The following ASIC2 variants were observed in gnomAD, a reference collection of about 807,000 sequenced individuals.
The protein encoded by ASIC2 is acid sensing ion channel subunit 2.
In ASIC2, 25 loss-of-function variants were observed where a neutral mutation model predicts 57.3. That is an observed-to-expected ratio of 0.44 (90% confidence interval 0.32 to 0.61). The LOEUF is 0.61. ASIC2 is among the 20% of genes least tolerant of loss of function. ASIC2 has a pLI of 0.06. For synonymous variants in ASIC2, 319 were observed against 307.5 expected (o/e 1.04, Z -0.39); for missense variants, 641 against 738.1 (o/e 0.87, Z 1.52).
rs577563349 is a variant in ASIC2 at position 34,033,951 on chromosome 17, A to C, written c.555+122027T>G. Among the ~76,000 whole-genome samples the C allele has an allele frequency of 2.6e-5, 4 of 152,302 alleles. No homozygotes were observed. The East Asian group carries it at 7.7e-4, about 29-fold the overall frequency. On this transcript the variant is annotated intron_variant, in intron 1 of 9. Transcript: ENST00000359872. ...AGAGGTACAAAGAGGAGCTGATATC[A>C]CTCCTTCTGAAATTATTCCAATCAA...
intron 1 of ASIC2, among the ~76,000 whole-genome samples, chr17:33,328,481 C>G (rs1047416911): frequency 6.6e-6 from 1 of 152,160 alleles, no homozygotes; most frequent in Admixed American, 6.5e-5. Flanking sequence ...CTCCTCTTCC[C>G]TCTTCTAATC....
At chr17:33,257,657 C>T (rs917865021) in intron 1 of ASIC2, among the ~76,000 whole-genome samples, 15 of 152,182 alleles carry the variant, frequency 9.9e-5, no homozygotes, top group Non-Finnish European at 1.5e-4. Flanking sequence ...GCTCTCCATG[C>T]ACACAACCTA....
intron 1 of ASIC2, among the ~76,000 whole-genome samples, chr17:33,433,383 A>C (rs1462449283): frequency 2.6e-5 from 4 of 152,222 alleles, no homozygotes; most frequent in Admixed American, 1.3e-4. Context: ...TGAACGCTAG[A>C]CACTGGGCCT....
At chr17:33,962,351 A>G (rs1597951448) in intron 1 of ASIC2, among the ~76,000 whole-genome samples, 1 of 152,166 alleles carries the variant, frequency 6.6e-6, no homozygotes, top group East Asian at 1.9e-4. Context: ...AGAGTCTTGA[A>G]AGAGTATAGT....
chr17:34,050,292 T>A (rs900854180), intron 1 of ASIC2, among the ~76,000 whole-genome samples: 1 of 152,170 alleles, frequency 6.6e-6, no homozygotes, highest in Non-Finnish European at 1.5e-5. Context: ...ACGGAGCTAT[T>A]TTTTACAACT....
intron 1 of ASIC2, among the ~76,000 whole-genome samples, chr17:33,633,921 C>G (rs1462414323): frequency 1.3e-5 from 2 of 152,192 alleles, no homozygotes; most frequent in African/African-American, 4.8e-5. Flanking sequence ...AGCCCCAGAG[C>G]TAGGGGCTTC....
At chr17:33,221,331 CA>C (rs1233813113) in intron 1 of ASIC2, among the ~76,000 whole-genome samples, 1 of 152,142 alleles carries the variant, frequency 6.6e-6, no homozygotes, top group East Asian at 1.9e-4. Context: ...AAAAATTCAG[CA>C]AATGATCTGG....
At chr17:33,050,801 A>G (rs1417243010) in intron 3 of ASIC2, among the ~76,000 whole-genome samples, 1 of 152,080 alleles carries the variant, frequency 6.6e-6, no homozygotes, top group Non-Finnish European at 1.5e-5. Flanking sequence ...GGAGACTGGC[A>G]TGTGGAAACA....
chr17:33,652,121 A>T (rs967720094), intron 1 of ASIC2, among the ~76,000 whole-genome samples: 1 of 152,188 alleles, frequency 6.6e-6, no homozygotes, highest in African/African-American at 2.4e-5. Flanking sequence ...GCAAGAATGG[A>T]AAATAAGATA....
At chr17:33,914,635 A>G (rs766739470) in intron 1 of ASIC2, among the ~76,000 whole-genome samples, 34 of 152,308 alleles carry the variant, frequency 2.2e-4, no homozygotes, top group Non-Finnish European at 3.2e-4. Context: ...GCACATAAAG[A>G]AGTTGAGGAC....
intron 1 of ASIC2, among the ~76,000 whole-genome samples, chr17:33,983,361 A>C (rs1905694786): frequency 6.6e-6 from 1 of 152,192 alleles, no homozygotes; most frequent in Non-Finnish European, 1.5e-5. Flanking sequence ...GTCTTTAAAA[A>C]TATAATAATA....
chr17:34,012,648 G>A lies in ASIC2; in HGVS notation c.555+143330C>T, dbSNP rs74251475. On this transcript the variant is annotated intron_variant, in intron 1 of 9. Transcript: ENST00000359872. ...TAGATTTTCAGTATAACCCTCATGC[G>A]GCCCAATATCACCTTAGATTTGCAT... Among the ~76,000 whole-genome samples the A allele has an allele frequency of 5.7e-4, 86 of 152,098 alleles. No homozygotes were observed. In the East Asian group the frequency reaches 0.011, roughly 20 times the overall value.
At chr17:33,818,346 T>A (rs144433036) in intron 1 of ASIC2, among the ~76,000 whole-genome samples, 280 of 152,316 alleles carry the variant, frequency 1.8e-3, no homozygotes, top group African/African-American at 6.5e-3. Context: ...AATAAACCTT[T>A]TGCATATATT....
chr17:33,214,656 G>A lies in ASIC2; in HGVS notation c.708+76752C>T, dbSNP rs138269101. Among the ~76,000 whole-genome samples the A allele has an allele frequency of 2.8e-5, 4 of 142,674 alleles. No individual in the cohort carries two copies. The East Asian group carries it at 8.1e-4, about 29-fold the overall frequency. 93.6% of individuals were successfully genotyped at this position (142,674 alleles called of 152,430 possible). ...ATGCAGATTCTGATGTGATAGGTCT[G>A]GGGTGGCCTGAAACTCTGCCTTTAT... On this transcript the variant is annotated intron_variant, in intron 1 of 9. Transcript: ENST00000225823.
Position 33,639,533 on chromosome 17 carries a change from C to T in ASIC2, c.555+516445G>A, listed in dbSNP as rs561353233. On this transcript the variant is annotated intron_variant, in intron 1 of 9. Transcript: ENST00000359872. ...TCCCTGGGAGCCTGCTTCTTAGTGACCATGAAATTCTCAAAGAGGAACTGC... is the reference window on the plus strand; with the variant it reads ...TCCCTGGGAGCCTGCTTCTTAGTGATCATGAAATTCTCAAAGAGGAACTGC... Among the ~76,000 whole-genome samples, 10 of 152,252 alleles carry T rather than the reference C, an allele frequency of 6.6e-5. 3 individuals carry two copies. Among genetic ancestry groups the T allele is most frequent in the African/African-American group, 2.4e-4 (10 of 41,550 alleles).
intron 1 of ASIC2, among the ~76,000 whole-genome samples, chr17:34,099,458 GAA>G (rs1567821309): frequency 4.1e-4 from 11 of 26,672 alleles, no homozygotes; most frequent in Non-Finnish European, 1.5e-3. Flanking sequence ...AGAAAGAAAA[GAA>G]AGAAAGAGAG....
At chr17:33,182,911 T>TA (rs1029268770) in intron 1 of ASIC2, among the ~76,000 whole-genome samples, 1 of 152,250 alleles carries the variant, frequency 6.6e-6, no homozygotes, top group Non-Finnish European at 1.5e-5. Flanking sequence ...TGATTTTTCT[T>TA]AAAAAAAGAG....
intron 1 of ASIC2, among the ~76,000 whole-genome samples, chr17:33,881,919 C>T (rs944944890): frequency 2.0e-5 from 3 of 152,098 alleles, no homozygotes; most frequent in Non-Finnish European, 4.4e-5. Context: ...GAGATATAGA[C>T]CAATGGAACA....
At chr17:33,237,999 C>T (rs1300466624) in intron 1 of ASIC2, among the ~76,000 whole-genome samples, 1 of 152,200 alleles carries the variant, frequency 6.6e-6, no homozygotes, top group Non-Finnish European at 1.5e-5. Flanking sequence ...CTATTGTTAA[C>T]TCATTTTACA....
Sources: gnomAD v4.1 joint callset for allele counts (sites outside exome capture counted in the v4.1 genomes callset) on GRCh38, gnomAD v4.1.1 for gene constraint, MANE v1.5 for transcripts, NCBI Gene and HGNC (gene_info 2026-07-23, HGNC 2026-07-21) for gene names.